SNX19: variants seen among roughly 807,000 people sequenced by gnomAD.
SNX19 encodes sorting nexin 19.
A neutral mutation model predicts 85.2 loss-of-function variants in SNX19; 60 were observed. That is an observed-to-expected ratio of 0.70 (90% confidence interval 0.57 to 0.87). The LOEUF is 0.87. SNX19 is among the 40% of genes least tolerant of loss of function. The pLI, the probability that SNX19 is intolerant of heterozygous loss-of-function variation, is 0.00. For missense variants in SNX19, 1,201 were observed against 1,217.8 expected, an observed-to-expected ratio of 0.99 and a Z score of 0.21; for synonymous variants, 520 against 470.0, an observed-to-expected ratio of 1.11 and a Z score of -1.38.
chr11:130,906,612 T>C lies in SNX19; in HGVS notation c.2262+13A>G. On this transcript the variant is annotated intron_variant, in intron 6 of 10. Coordinates refer to ENST00000265909, the MANE Select transcript of SNX19 (RefSeq NM_014758.3). ...ATATTTTTGCCTCACATTCTCTGGG[T>C]TTTGGTTCTTACCACATTGCCTTCC... 4.4e-6 allele frequency: 7 copies of C among 1,587,876 alleles called. No individual in the cohort carries two copies. Among genetic ancestry groups the C allele is most frequent in the Non-Finnish European group, 6.1e-6 (7 of 1,156,704 alleles).
At position 130,906,057 on chromosome 11, in the gene SNX19, G is replaced by C. The variant is rs749855398; in HGVS notation, c.2339C>G (p.Thr780Arg). ...TTCAGGATCTTTTTCTGGGGCTTTT[G>C]TTGGCTGCATTTCCAGTAACTTTGT... ...KQTKLLEMQP[T>R]KAPEKDPEQP... Residue 780 changes from threonine (T) to arginine (R), a missense_variant, in exon 7 of 11, where the codon ACA becomes AGA. Thr to Arg is a moderately conservative substitution (Grantham distance 71). This residue lies in a region of SNX19 where 285 missense variants were observed against 295.3 expected (regional missense o/e 0.97). Coordinates refer to ENST00000265909, the MANE Select transcript of SNX19 (RefSeq NM_014758.3). The C allele has an allele frequency of 6.2e-7, 1 of 1,614,174 alleles. No homozygotes were observed. Among genetic ancestry groups the C allele is most frequent in the South Asian group, 1.1e-5 (1 of 91,076 alleles).
intron 8 of SNX19, among the ~76,000 whole-genome samples, chr11:130,899,176 G>C (rs1945081499): frequency 6.6e-6 from 1 of 152,204 alleles, no homozygotes; most frequent in Non-Finnish European, 1.5e-5. Flanking sequence ...GTTCAGTACA[G>C]TATTTGCACT....
chr11:130,893,942 C>A, intron 8 of SNX19: 2 of 626,112 alleles, frequency 3.2e-6, no homozygotes, highest in Middle Eastern at 5.0e-4. Context: ...GAGAAGCCTG[C>A]AAGGACAGAG....
At chr11:130,891,392 A>G (rs952555417) in intron 8 of SNX19, among the ~76,000 whole-genome samples, 1 of 152,202 alleles carries the variant, frequency 6.6e-6, no homozygotes, top group Non-Finnish European at 1.5e-5. Flanking sequence ...CTGGAAGGCA[A>G]GGGAGTGGGT....
chr11:130,903,064 T>C (rs948769275), intron 8 of SNX19, 191 bp downstream of exon 8: 4 of 666,692 alleles, frequency 6.0e-6, no homozygotes, highest in Non-Finnish European at 9.7e-6. Context: ...AGTCTTACTT[T>C]CAAATTGTAG....
In SNX19 at chr11:130,905,967, C is replaced by T. The variant is rs1221492234; in HGVS notation, c.2429G>A (p.Ser810Asn). 1.2e-6 allele frequency: 2 copies of T among 1,614,238 alleles called. No homozygotes were observed. Among genetic ancestry groups the T allele is most frequent in the East Asian group, 4.5e-5 (2 of 44,884 alleles). The change falls in exon 7 of 11, where the codon AGC (serine) becomes AAC (asparagine). Residue 810 changes from serine to asparagine, a missense_variant. Physicochemically the swap from Ser to Asn is conservative, Grantham distance 46 (BLOSUM62 1). This residue lies in a region of SNX19 where 285 missense variants were observed against 295.3 expected (regional missense o/e 0.97). Coordinates refer to ENST00000265909, the MANE Select transcript of SNX19 (RefSeq NM_014758.3). ...TCGCCACTCACCTGGATCGCTGTTG[C>T]TGGGGTCTTGGGCTGGCACGGCTGC... ...SDAAVPAQDP[S>N]NSDPGTETEL...
chr11:130,898,426 C>T (rs1343927193), intron 8 of SNX19, among the ~76,000 whole-genome samples: 1 of 152,140 alleles, frequency 6.6e-6, no homozygotes, highest in Non-Finnish European at 1.5e-5. Context: ...AGTGGCAGTA[C>T]CACGTGTGGC....
intron 7 of SNX19, 48 bp from the exon 8 acceptor site, chr11:130,903,432 T>G: frequency 6.3e-7 from 1 of 1,590,246 alleles, no homozygotes; most frequent in Non-Finnish European, 8.6e-7. Flanking sequence ...GACCCATACT[T>G]GAGGAACATC....
At position 130,907,856 on chromosome 11, in the gene SNX19, T is replaced by G; in HGVS notation, c.2165+97A>C. The G allele has an allele frequency of 1.9e-6, 3 of 1,541,372 alleles. No homozygotes were observed. In the South Asian group the frequency reaches 3.7e-5, roughly 19 times the overall value. ...AACTGGTATGTCTGACCCACCTCCT[T>G]TCCTCTAGGGCTTGAGAATAGGGTG... On this transcript the variant is annotated intron_variant, in intron 5 of 10. Transcript: ENST00000265909.
At chr11:130,903,493 T>C in intron 7 of SNX19, 109 bp from the exon 8 acceptor site, 1 of 1,242,032 alleles carries the variant, frequency 8.1e-7, no homozygotes, top group Non-Finnish European at 1.1e-6. Flanking sequence ...GCCAATCATC[T>C]GGTATTTTTG....
Position 130,908,198 on chromosome 11 carries a change from T to A in SNX19, c.2035-115A>T, listed in dbSNP as rs1592361720. The A allele has an allele frequency of 1.5e-5, 19 of 1,231,212 alleles. No individual in the cohort carries two copies. The East Asian group carries it at 4.8e-4, about 31-fold the overall frequency. The allele number at this position is 1,231,212 out of a possible 1,614,324, so 76.3% of individuals were successfully genotyped here. A position where few individuals can be genotyped will look rare whatever the true frequency, so the allele number is the denominator to read the frequency against. On this transcript the variant is annotated intron_variant, in intron 4 of 10. Coordinates refer to ENST00000265909, the MANE Select transcript of SNX19 (RefSeq NM_014758.3). The stretch of plus-strand genomic sequence containing the variant: ...CAGGACAAGGAGAGGGGCCAGGCTA[T>A]CTAGCAAAGCCTTATCCAGTAGGAA...
chr11:130,914,121 G>A, intron 1 of SNX19, 145 bp downstream of exon 1: 1 of 649,944 alleles, frequency 1.5e-6, no homozygotes, highest in South Asian at 2.4e-5. Context: ...TTACATATTA[G>A]CTTCAGACCA....
chr11:130,884,455 T>A (rs548903666), intron 8 of SNX19, among the ~76,000 whole-genome samples: 1 of 152,160 alleles, frequency 6.6e-6, no homozygotes, highest in Non-Finnish European at 1.5e-5. Context: ...TAATACATCA[T>A]AGGAGGTTTT....
rs761348991 is a variant in SNX19, at chr11:130,915,544, C to T, written c.396G>A (p.Glu132=). ...SQEPAFEEEM[E]AAMKGLVQEL... Reference sequence around the variant, plus strand: ...CCTGGACCAACCCTTTCATGGCTGCCTCCATTTCTTCCTCAAAGGCTGGCT... The same window carrying T: ...CCTGGACCAACCCTTTCATGGCTGCTTCCATTTCTTCCTCAAAGGCTGGCT... The change falls in exon 1 of 11, where the codon GAG becomes GAA. Residue 132 remains glutamate (E), a synonymous_variant. Transcript: ENST00000265909. 3.1e-6 allele frequency: 5 copies of T among 1,614,248 alleles called. No individual in the cohort carries two copies. The highest frequency in any genetic ancestry group is 4.2e-6 in the Non-Finnish European group (5 of 1,180,038).
rs1394730618 is a variant in SNX19, at chr11:130,872,220, T to C, written c.*6202A>G. On this transcript the variant is annotated 3_prime_UTR_variant, in exon 11 of 11. Coordinates refer to ENST00000265909, the MANE Select transcript of SNX19 (RefSeq NM_014758.3). Reference sequence around the variant, plus strand: ...GTTTCTGCCTCCAAGAAAGCAGAGTTAAAATGGACTTTCAGACCAGAGACA... The same window carrying C: ...GTTTCTGCCTCCAAGAAAGCAGAGTCAAAATGGACTTTCAGACCAGAGACA... 6.6e-6 allele frequency among the ~76,000 whole-genome samples: 1 copy of C among 152,110 alleles called. No homozygotes were observed. Among genetic ancestry groups the C allele is most frequent in the Admixed American group, 6.5e-5 (1 of 15,276 alleles).
chr11:130,877,094 TTCC>T lies in SNX19; in HGVS notation c.*1325_*1327del, dbSNP rs1469624832. On this transcript the variant is annotated 3_prime_UTR_variant, in exon 11 of 11. Transcript: ENST00000265909. ...TTCTCATCAGTCTAACTCCAAGACC[TTCC>T]TCCGAGTGGTAGGCTCTGGTAATTC... 3 of 152,260 alleles carry T rather than the reference TTCC, an allele frequency of 2.0e-5. No individual in the cohort carries two copies. The highest frequency in any genetic ancestry group is 7.2e-5 in the African/African-American group (3 of 41,462). 9.4% of individuals were successfully genotyped at this position (152,260 alleles called of 1,614,324 possible).
intron 7 of SNX19, 54 bp from the exon 8 acceptor site, chr11:130,903,438 A>T: frequency 6.3e-7 from 1 of 1,585,348 alleles, no homozygotes; most frequent in Non-Finnish European, 8.6e-7. Context: ...TACTTGAGGA[A>T]CATCTTTCAA....
Position 130,895,300 on chromosome 11 carries a change from G to A in SNX19, c.2573+7955C>T. On this transcript the variant is annotated intron_variant, in intron 8 of 10. Transcript: ENST00000265909. ...TATGCCCTGTGTGGAGGGAATGAAA[G>A]ACTCAGTTTCCATTTTGCTTCTGGT... The A allele has an allele frequency of 4.1e-6, 4 of 970,316 alleles. No individual in the cohort carries two copies. In the South Asian group the frequency reaches 1.9e-4, roughly 46 times the overall value. 60.1% of individuals were successfully genotyped at this position (970,316 alleles called of 1,614,324 possible).
intron 1 of SNX19, among the ~76,000 whole-genome samples, chr11:130,913,063 A>G (rs11822781): frequency 0.066 from 9,992 of 152,216 alleles, 957 homozygotes; most frequent in African/African-American, 0.21. Flanking sequence ...AAATCTAGCC[A>G]ACAACAAAAA....
Sources: allele counts gnomAD v4.1 joint callset (sites outside exome capture counted in the v4.1 genomes callset), GRCh38; gene constraint gnomAD v4.1.1; regional missense constraint gnomAD v4.1.1; transcripts MANE v1.5; gene names NCBI Gene and HGNC (gene_info 2026-07-23, HGNC 2026-07-21).